The following DLGAP1 variants were observed in gnomAD, a reference collection of about 807,000 sequenced individuals.
DLGAP1 encodes disks large-associated protein 1.
DLGAP1 carries 11 observed loss-of-function variants against 90.8 expected under a neutral mutation model. The ratio of observed to expected loss-of-function variants is 0.12; its 90% CI spans 0.08 to 0.20. The LOEUF is 0.20. Among genes scored for constraint, DLGAP1 ranks in the 10% least tolerant of loss-of-function variants. The pLI is 1.00. For synonymous variants in DLGAP1, 558 were observed against 540.7 expected (o/e 1.03, Z -0.44); for missense variants, 1,050 against 1,333.8 (o/e 0.79, Z 3.31).
intron 1 of DLGAP1, among the ~76,000 whole-genome samples, chr18:4,279,260 C>T (rs585786): frequency 0.18 from 26,747 of 152,196 alleles, 3,423 homozygotes; most frequent in African/African-American, 0.36. Flanking sequence ...CAGGAAAGTG[C>T]ATTCTAAAAT....
intron 7 of DLGAP1, among the ~76,000 whole-genome samples, chr18:3,706,759 G>T (rs1220333216): frequency 6.6e-6 from 1 of 151,940 alleles, no homozygotes; most frequent in Non-Finnish European, 1.5e-5. Flanking sequence ...ACAGAGAGGC[G>T]ACTCCAGCCA....
intron 2 of DLGAP1, among the ~76,000 whole-genome samples, chr18:4,144,618 G>T (rs1281408035): frequency 6.6e-6 from 1 of 152,118 alleles, no homozygotes; most frequent in Non-Finnish European, 1.5e-5. Flanking sequence ...TTTTTGTGCA[G>T]ATAGTCGCTT....
At chr18:4,345,234 CA>C (rs2081282112) in intron 1 of DLGAP1, among the ~76,000 whole-genome samples, 1 of 152,074 alleles carries the variant, frequency 6.6e-6, no homozygotes, top group South Asian at 2.1e-4. Context: ...TAATCTCTCC[CA>C]AGGATTCCCT....
At chr18:4,050,952 C>G (rs1190967768) in intron 2 of DLGAP1, among the ~76,000 whole-genome samples, 1 of 152,128 alleles carries the variant, frequency 6.6e-6, no homozygotes, top group African/African-American at 2.4e-5. Context: ...CATGGGGAAG[C>G]CTCATCCTAT....
chr18:3,523,707 C>T (rs539281732), intron 10 of DLGAP1, among the ~76,000 whole-genome samples: 62 of 152,090 alleles, frequency 4.1e-4, no homozygotes, highest in South Asian at 3.5e-3. Flanking sequence ...ATTAGCCAGG[C>T]GTGGTGGCGT....
intron 2 of DLGAP1, among the ~76,000 whole-genome samples, chr18:4,127,473 CAGA>C (rs2076249095): frequency 6.6e-6 from 1 of 152,148 alleles, no homozygotes. Context: ...ATTTCAAATT[CAGA>C]AGAATACATC....
At chr18:4,410,452 C>T (rs2144604684) in intron 1 of DLGAP1, among the ~76,000 whole-genome samples, 1 of 152,084 alleles carries the variant, frequency 6.6e-6, no homozygotes, top group East Asian at 1.9e-4. Flanking sequence ...TTATCAGAAG[C>T]ATACATACAG....
chr18:3,820,495 T>C lies in DLGAP1; in HGVS notation c.958-6222A>G, dbSNP rs536095243. On this transcript the variant is annotated intron_variant, in intron 4 of 12. Transcript: ENST00000315677. Reference sequence around the variant, plus strand: ...GCAATTGAATGGTGGGCATGAGGGATAGGCTTCTATTTGCACAGTTACCCC... The same window carrying C: ...GCAATTGAATGGTGGGCATGAGGGACAGGCTTCTATTTGCACAGTTACCCC... 2.3e-4 allele frequency among the ~76,000 whole-genome samples: 35 copies of C among 152,314 alleles called. No homozygotes were observed. The South Asian group carries it at 6.4e-3, about 28-fold the overall frequency.
At chr18:4,306,801 C>G (rs2080274820) in intron 1 of DLGAP1, among the ~76,000 whole-genome samples, 1 of 152,042 alleles carries the variant, frequency 6.6e-6, no homozygotes, top group African/African-American at 2.4e-5. Context: ...GTTATCTATC[C>G]AAAGGCAAGT....
intron 7 of DLGAP1, among the ~76,000 whole-genome samples, chr18:3,697,178 T>C (rs1300601291): frequency 6.6e-6 from 1 of 152,202 alleles, no homozygotes; most frequent in African/African-American, 2.4e-5. Context: ...GAAGGGTTTT[T>C]TGTGTCTCTA....
intron 4 of DLGAP1, among the ~76,000 whole-genome samples, chr18:3,834,033 G>A (rs914683508): frequency 1.3e-5 from 2 of 152,140 alleles, no homozygotes; most frequent in Non-Finnish European, 2.9e-5. Context: ...TGGGCCGGGC[G>A]TGGTGGTTCA....
At chr18:4,356,143 T>C (rs1441551846) in intron 1 of DLGAP1, among the ~76,000 whole-genome samples, 1 of 151,994 alleles carries the variant, frequency 6.6e-6, no homozygotes, top group African/African-American at 2.4e-5. Context: ...GAGGACTTTG[T>C]CTTCACTTCA....
At chr18:3,820,324 G>A (rs757304965) in intron 4 of DLGAP1, among the ~76,000 whole-genome samples, 1 of 152,330 alleles carries the variant, frequency 6.6e-6, no homozygotes. Flanking sequence ...CTGGGTTGCA[G>A]AGATTTGGGA....
At chr18:4,276,170 A>ATT (rs35566291) in intron 1 of DLGAP1, among the ~76,000 whole-genome samples, 4 of 125,438 alleles carry the variant, frequency 3.2e-5, no homozygotes, top group Non-Finnish European at 3.4e-5. Flanking sequence ...AGGGGGCTTG[A>ATT]TTTTTTTTTT....
intron 5 of DLGAP1, among the ~76,000 whole-genome samples, chr18:3,748,777 T>C (rs1341777025): frequency 6.6e-6 from 1 of 152,230 alleles, no homozygotes; most frequent in Admixed American, 6.5e-5. Context: ...CAGTTCTCTG[T>C]TGAACTAGTT....
intron 1 of DLGAP1, among the ~76,000 whole-genome samples, chr18:4,204,713 A>G (rs2077685057): frequency 6.6e-6 from 1 of 152,166 alleles, no homozygotes; most frequent in South Asian, 2.1e-4. Context: ...AATACATTTG[A>G]AATGTAGATG....
At chr18:3,927,837 G>C (rs1375689080) in intron 3 of DLGAP1, among the ~76,000 whole-genome samples, 3 of 152,098 alleles carry the variant, frequency 2.0e-5, no homozygotes, top group African/African-American at 7.2e-5. Flanking sequence ...ATAATCCATA[G>C]GTTCCCAAGG....
In DLGAP1 at chr18:3,565,992, A is replaced by G. The variant is rs2145100688; in HGVS notation, c.2057+1498T>C. On this transcript the variant is annotated intron_variant, in intron 9 of 12. Transcript: ENST00000315677. The surrounding 1 kb of genome is among the most constrained non-coding windows in gnomAD (Gnocchi z 4.0). ...ACACTATGCGTGGATATTATATATT[A>G]AAGTTTTTCACCTAACATTGTATCA... Among the ~76,000 whole-genome samples, 1 of 152,276 alleles carries G rather than the reference A, an allele frequency of 6.6e-6. No homozygotes were observed. Among genetic ancestry groups the G allele is most frequent in the South Asian group, 2.1e-4 (1 of 4,818 alleles).
intron 1 of DLGAP1, among the ~76,000 whole-genome samples, chr18:4,154,971 A>C (rs111483256): frequency 6.0e-4 from 92 of 152,346 alleles, no homozygotes; most frequent in African/African-American, 2.0e-3. Flanking sequence ...ATTATAGAGC[A>C]GTTCAGAAGG....
Sources: gnomAD v4.1 joint callset for allele counts (sites outside exome capture counted in the v4.1 genomes callset) on GRCh38, gnomAD v4.1.1 for gene constraint, Gnocchi (gnomAD v3.1) non-coding constraint, MANE v1.5 for transcripts, NCBI Gene and HGNC (gene_info 2026-07-23, HGNC 2026-07-21) for gene names.